The following LAMA2 variants were observed in gnomAD, a reference collection of about 807,000 sequenced individuals.
LAMA2 encodes the protein laminin subunit alpha 2.
Under a neutral mutation model 364.8 loss-of-function variants are expected in LAMA2, and 269 were observed. That is an observed-to-expected ratio of 0.74 (90% CI 0.67 to 0.82). LAMA2 has a LOEUF of 0.82. LAMA2 is among the 40% of genes least tolerant of loss of function. The pLI is 0.00. For synonymous variants in LAMA2, 1,379 were observed against 1,370.6 expected (o/e 1.01, Z -0.14); for missense variants, 3,807 against 3,873.2 (o/e 0.98, Z 0.45).
intron 7 of LAMA2, among the ~76,000 whole-genome samples, chr6:129,150,880 A>T (rs1263082387): frequency 1.3e-5 from 2 of 152,166 alleles, no homozygotes; most frequent in African/African-American, 2.4e-5. Context: ...CTTCCATGAC[A>T]TGACAAATCC....
chr6:128,957,731 G>A (rs1158454522), intron 1 of LAMA2, among the ~76,000 whole-genome samples: 4 of 151,694 alleles, frequency 2.6e-5, no homozygotes, highest in Admixed American at 6.6e-5. Flanking sequence ...GAGTTGTCTC[G>A]AAGAGCAGTT....
intron 1 of LAMA2, among the ~76,000 whole-genome samples, chr6:128,947,519 A>G (rs1309747139): frequency 6.6e-6 from 1 of 152,246 alleles, no homozygotes; most frequent in African/African-American, 2.4e-5. Context: ...ATATGTGAAT[A>G]TAATACATAG....
chr6:129,198,963 A>G (rs1782013576), intron 12 of LAMA2, among the ~76,000 whole-genome samples: 1 of 152,196 alleles, frequency 6.6e-6, no homozygotes, highest in Non-Finnish European at 1.5e-5. Context: ...AAAATTATAC[A>G]AACTTTCCAG....
chr6:129,447,155 T>C (rs959050492), intron 45 of LAMA2, among the ~76,000 whole-genome samples: 2 of 152,204 alleles, frequency 1.3e-5, no homozygotes, highest in African/African-American at 4.8e-5. Context: ...CAAAGACGAA[T>C]AAAGGAGTTC....
intron 53 of LAMA2, among the ~76,000 whole-genome samples, chr6:129,476,881 G>A (rs1784091492): frequency 6.6e-6 from 1 of 152,252 alleles, no homozygotes; most frequent in South Asian, 2.1e-4. Flanking sequence ...TTCCAGAAAG[G>A]AGTGCGGGGG....
At chr6:129,088,280 C>T (rs2114852243) in intron 3 of LAMA2, among the ~76,000 whole-genome samples, 1 of 151,962 alleles carries the variant, frequency 6.6e-6, no homozygotes, top group East Asian at 1.9e-4. Context: ...AATGGAGTCT[C>T]CTATGTCTAC....
intron 3 of LAMA2, among the ~76,000 whole-genome samples, chr6:129,069,682 T>C (rs1562210401): frequency 6.7e-6 from 1 of 148,564 alleles, no homozygotes; most frequent in Non-Finnish European, 1.5e-5. Context: ...TATATAATTG[T>C]ACAATAATAA....
chr6:129,212,507 G>T (rs1217784970), intron 12 of LAMA2, among the ~76,000 whole-genome samples: 2 of 152,140 alleles, frequency 1.3e-5, no homozygotes, highest in African/African-American at 2.4e-5. Context: ...GACCCTGAAA[G>T]ATTAAGTCAC....
intron 3 of LAMA2, among the ~76,000 whole-genome samples, chr6:129,066,262 G>A (rs1789336865): frequency 6.6e-6 from 1 of 150,580 alleles, no homozygotes; most frequent in Non-Finnish European, 1.5e-5. Context: ...AGCCGGGATG[G>A]TCTCGATCTC....
intron 40 of LAMA2, among the ~76,000 whole-genome samples, chr6:129,415,472 T>A (rs1780737790): frequency 6.6e-6 from 1 of 152,192 alleles, no homozygotes; most frequent in African/African-American, 2.4e-5. Context: ...AAATTTTTTC[T>A]ATCTCCTTGC....
intron 1 of LAMA2, among the ~76,000 whole-genome samples, chr6:129,038,545 C>G (rs12191829): frequency 6.6e-6 from 1 of 152,164 alleles, no homozygotes; most frequent in African/African-American, 2.4e-5. Flanking sequence ...GTTTTGATAC[C>G]TGTACAGAAT....
At chr6:129,183,869 C>G (rs1248412943) in intron 10 of LAMA2, among the ~76,000 whole-genome samples, 1 of 151,760 alleles carries the variant, frequency 6.6e-6, no homozygotes, top group Non-Finnish European at 1.5e-5. Flanking sequence ...TACCATTGCA[C>G]AATAAGAAGA....
At chr6:129,218,535 T>G (rs1783574709) in intron 12 of LAMA2, among the ~76,000 whole-genome samples, 1 of 152,172 alleles carries the variant, frequency 6.6e-6, no homozygotes, top group Non-Finnish European at 1.5e-5. Context: ...AGCAGTAGGC[T>G]GTAAGTTAAA....
intron 30 of LAMA2, among the ~76,000 whole-genome samples, chr6:129,345,221 T>C (rs537529234): frequency 6.6e-6 from 1 of 152,296 alleles, no homozygotes; most frequent in African/African-American, 2.4e-5. Context: ...AGTTGGTTCC[T>C]GGTGTTGTTA....
At position 129,270,642 on chromosome 6, in the gene LAMA2, G is replaced by T; in HGVS notation, c.2341G>T (p.Gly781Cys). 6.2e-7 allele frequency: 1 copy of T among 1,612,924 alleles called. No homozygotes were observed. The highest frequency in any genetic ancestry group is 1.7e-5 in the Admixed American group (1 of 59,850). ...TTCTCAGAACTGTAAGGATCACACAGGTGGCCCATATTGTGATAAATGTCT... is the reference window on the plus strand; with the variant it reads ...TTCTCAGAACTGTAAGGATCACACATGTGGCCCATATTGTGATAAATGTCT... Reference protein sequence around the residue: ...GECLNCKDHTGGPYCDKCLPG... With the variant: ...GECLNCKDHTCGPYCDKCLPG... Residue 781 changes from glycine to cysteine, a missense_variant, in exon 17 of 65, where the codon GGT (glycine) becomes TGT (cysteine). By Grantham distance (159) the Gly-to-Cys change is radical (BLOSUM62 -3). Coordinates refer to ENST00000421865, the MANE Select transcript of LAMA2 (RefSeq NM_000426.4).
rs909768732 is a variant in LAMA2 at position 129,022,170 on chromosome 6, T to A, written c.113-27748T>A. On this transcript the variant is annotated intron_variant, in intron 1 of 64. Coordinates refer to ENST00000421865, the MANE Select transcript of LAMA2 (RefSeq NM_000426.4). The stretch of plus-strand genomic sequence containing the variant: ...GGTTTGCCTTGGATATTTGCTTGCT[T>A]CTTTTTTGTTGATTTTTAGCATATA... Among the ~76,000 whole-genome samples the A allele has an allele frequency of 2.6e-5, 4 of 152,352 alleles. No individual in the cohort carries two copies. The East Asian group carries it at 7.7e-4, about 29-fold the overall frequency.
At chr6:129,353,142 C>G in intron 31 of LAMA2, 22 bp from the exon 32 acceptor site, 1 of 1,600,208 alleles carries the variant, frequency 6.2e-7, no homozygotes, top group Non-Finnish European at 8.6e-7. Context: ...ACCTCTTTTG[C>G]TTTGTCACTG....
intron 52 of LAMA2, among the ~76,000 whole-genome samples, chr6:129,474,163 A>T (rs1053054930): frequency 6.6e-6 from 1 of 152,088 alleles, no homozygotes; most frequent in Non-Finnish European, 1.5e-5. Context: ...TAAAGGGTAT[A>T]AAAGTTCTGT....
At chr6:129,304,695 G>C (rs1773760407) in intron 22 of LAMA2, among the ~76,000 whole-genome samples, 1 of 152,132 alleles carries the variant, frequency 6.6e-6, no homozygotes, top group African/African-American at 2.4e-5. Context: ...GATATGCTGT[G>C]TTTTAATTTT....
Sources: allele counts gnomAD v4.1 joint callset (sites outside exome capture counted in the v4.1 genomes callset), GRCh38; gene constraint gnomAD v4.1.1; transcripts MANE v1.5; gene names NCBI Gene and HGNC (gene_info 2026-07-23, HGNC 2026-07-21).